The following SHLD2 variants were observed in gnomAD, a reference collection of about 807,000 sequenced individuals.
The protein encoded by SHLD2 is RINN1-REV7-interacting novel NHEJ regulator 2.
A neutral mutation model predicts 73.2 loss-of-function variants in SHLD2; 30 were observed. The ratio of observed to expected loss-of-function variants is 0.41; its 90% CI spans 0.31 to 0.56. The LOEUF is 0.56. Ranked by LOEUF, SHLD2 falls within the 20% of genes least tolerant of loss-of-function variation. The pLI is 0.28. For synonymous variants in SHLD2, 285 were observed against 370.1 expected (o/e 0.77, Z 2.64); for missense variants, 745 against 1,055.9 (o/e 0.71, Z 4.08).
At position 87,190,581 on chromosome 10, in the gene SHLD2, C is replaced by G; in HGVS notation, c.2613C>G (p.Ser871Arg). 6.2e-7 allele frequency: 1 copy of G among 1,611,880 alleles called. No individual in the cohort carries two copies. Among genetic ancestry groups the G allele is most frequent in the Non-Finnish European group, 8.5e-7 (1 of 1,179,758 alleles). Reference protein sequence around the residue: ...SAEPCVLKIQSLFVLDENSYP... With the variant: ...SAEPCVLKIQRLFVLDENSYP... ...AACCTTGTGTATTAAAGATTCAGAGCCTTTTTGTGTTAGATGAAAACAGCT... is the reference window on the plus strand; with the variant it reads ...AACCTTGTGTATTAAAGATTCAGAGGCTTTTTGTGTTAGATGAAAACAGCT... Residue 871 changes from serine (S) to arginine (R), a missense_variant, in exon 10 of 10, where the codon AGC (serine) becomes AGG (arginine). Around this residue, in one of 5 missense-constraint regions of SHLD2, gnomAD observed 418 missense variants for 567.8 expected, o/e 0.74. Coordinates refer to ENST00000298786, the MANE Select transcript of SHLD2 (RefSeq NM_001330112.2).
chr10:87,139,224 T>G (rs1193775004), intron 2 of SHLD2, among the ~76,000 whole-genome samples: 1 of 151,774 alleles, frequency 6.6e-6, no homozygotes, highest in East Asian at 1.9e-4. Flanking sequence ...TGGGGTTAAA[T>G]TAGCTATAGA....
intron 2 of SHLD2, among the ~76,000 whole-genome samples, chr10:87,129,101 G>GT (rs965565090): frequency 4.6e-5 from 7 of 150,762 alleles, no homozygotes; most frequent in African/African-American, 1.2e-4. Context: ...GTTTTGTTTT[G>GT]TTTTTTTGAG....
At chr10:87,143,902 C>T (rs1171278063) in intron 2 of SHLD2, among the ~76,000 whole-genome samples, 8 of 139,356 alleles carry the variant, frequency 5.7e-5, no homozygotes, top group Admixed American at 3.0e-4. Context: ...CTCACTCTGT[C>T]GCCCAGGCTG....
intron 1 of SHLD2, among the ~76,000 whole-genome samples, chr10:87,096,026 A>T (rs1485517420): frequency 2.0e-5 from 3 of 152,192 alleles, no homozygotes; most frequent in Non-Finnish European, 4.4e-5. Context: ...ATGGTTCAGT[A>T]TATGATTTAT....
At chr10:87,119,199 T>G (rs1012561061) in intron 2 of SHLD2, among the ~76,000 whole-genome samples, 4 of 150,530 alleles carry the variant, frequency 2.7e-5, no homozygotes, top group Non-Finnish European at 5.9e-5. Flanking sequence ...ATATTAAGAG[T>G]TAAAACCAGT....
intron 4 of SHLD2, among the ~76,000 whole-genome samples, chr10:87,164,897 G>T (rs1564607291): frequency 6.6e-6 from 1 of 151,898 alleles, no homozygotes; most frequent in Non-Finnish European, 1.5e-5. Flanking sequence ...AAAAAATAGA[G>T]AATTACTGGC....
At chr10:87,133,776 T>G (rs1844601815) in intron 2 of SHLD2, among the ~76,000 whole-genome samples, 1 of 152,258 alleles carries the variant, frequency 6.6e-6, no homozygotes, top group African/African-American at 2.4e-5. Context: ...CAAAACTTCT[T>G]ATCTCCCATA....
intron 2 of SHLD2, among the ~76,000 whole-genome samples, chr10:87,118,895 C>G (rs959696379): frequency 2.0e-5 from 3 of 152,208 alleles, no homozygotes; most frequent in African/African-American, 7.2e-5. Context: ...TAGCTGTGGC[C>G]TTAGAAAACC....
intron 2 of SHLD2, among the ~76,000 whole-genome samples, chr10:87,142,313 A>G (rs539119707): frequency 6.6e-6 from 1 of 152,302 alleles, no homozygotes; most frequent in Non-Finnish European, 1.5e-5. Flanking sequence ...ATGTCATATG[A>G]CTCAATGGCA....
At chr10:87,110,735 T>C (rs1842869547) in intron 2 of SHLD2, among the ~76,000 whole-genome samples, 1 of 151,540 alleles carries the variant, frequency 6.6e-6, no homozygotes, top group Admixed American at 6.6e-5. Flanking sequence ...TATAAAACGC[T>C]TAGAAGGAAA....
chr10:87,156,939 C>G (rs1420797265), intron 3 of SHLD2, among the ~76,000 whole-genome samples: 2 of 151,864 alleles, frequency 1.3e-5, no homozygotes, highest in Non-Finnish European at 2.9e-5. Flanking sequence ...GGGTTGCAGG[C>G]GGGACAAGCA....
chr10:87,135,657 C>T (rs1484057939), intron 2 of SHLD2, among the ~76,000 whole-genome samples: 1 of 140,106 alleles, frequency 7.1e-6, no homozygotes, highest in South Asian at 2.2e-4. Context: ...CCACACCTGG[C>T]TAATTTTTTT....
At chr10:87,095,685 C>A (rs544963982) in intron 1 of SHLD2, among the ~76,000 whole-genome samples, 2 of 152,382 alleles carry the variant, frequency 1.3e-5, no homozygotes, top group South Asian at 4.1e-4. Context: ...TTTATTGTCC[C>A]GTTCAACTGC....
chr10:87,151,305 AAT>A (rs1845994772), intron 2 of SHLD2, 43 bp from the exon 3 acceptor site: 1 of 1,128,724 alleles, frequency 8.9e-7, no homozygotes, highest in Non-Finnish European at 1.2e-6. Context: ...CATATGCAAA[AAT>A]ATGCTGACAA....
intron 2 of SHLD2, among the ~76,000 whole-genome samples, chr10:87,139,539 T>C (rs1845031414): frequency 6.6e-6 from 1 of 152,106 alleles, no homozygotes; most frequent in Admixed American, 6.5e-5. Flanking sequence ...TTAATACAAG[T>C]ATTATAATGA....
At chr10:87,122,245 A>C (rs1843687048) in intron 2 of SHLD2, among the ~76,000 whole-genome samples, 1 of 151,574 alleles carries the variant, frequency 6.6e-6, no homozygotes, top group Admixed American at 6.6e-5. Flanking sequence ...CAAGTGCTAC[A>C]GCAGACCAAG....
chr10:87,095,160 AGGTCGGGGCGGGTCGGGGCG>A (rs1205833776), upstream of SHLD2: 2 of 33,138 alleles, frequency 6.0e-5, no homozygotes, highest in Non-Finnish European at 1.7e-4. Flanking sequence ...AGGGAGGGGA[AGGTCGGGGCGGGTCGGGGCG>A]GGTCGGGGCG....
chr10:87,139,102 A>AG (rs1456781011), intron 2 of SHLD2, among the ~76,000 whole-genome samples: 2 of 152,254 alleles, frequency 1.3e-5, no homozygotes, highest in Non-Finnish European at 2.9e-5. Flanking sequence ...ACTGGAAATC[A>AG]GAACACTGAA....
intron 2 of SHLD2, among the ~76,000 whole-genome samples, chr10:87,102,063 C>G (rs917566093): frequency 2.0e-5 from 3 of 152,034 alleles, no homozygotes; most frequent in Non-Finnish European, 4.4e-5. Context: ...CATTTTCTTG[C>G]CTAATGCTCC....
Sources: gnomAD v4.1 joint callset for allele counts (sites outside exome capture counted in the v4.1 genomes callset) on GRCh38, gnomAD v4.1.1 for gene constraint, gnomAD v4.1.1 regional missense constraint, MANE v1.5 for transcripts, NCBI Gene and HGNC (gene_info 2026-07-23, HGNC 2026-07-21) for gene names.